The following ROBO1 variants were observed in gnomAD, a reference collection of about 807,000 sequenced individuals.
ROBO1 encodes roundabout homolog 1.
ROBO1 carries 149 observed loss-of-function variants against 195.9 expected under a neutral mutation model. That is an observed-to-expected ratio of 0.76 (90% CI 0.67 to 0.87). The LOEUF is 0.87. Among genes scored for constraint, ROBO1 ranks in the 40% least tolerant of loss-of-function variants. The pLI is 0.00. For missense variants in ROBO1, 1,933 were observed against 2,068.3 expected, an observed-to-expected ratio of 0.93 and a Z score of 1.27; for synonymous variants, 816 against 733.2, an observed-to-expected ratio of 1.11 and a Z score of -1.82.
At chr3:79,361,871 T>A (rs2035782018) in intron 2 of ROBO1, among the ~76,000 whole-genome samples, 1 of 152,126 alleles carries the variant, frequency 6.6e-6, no homozygotes, top group Non-Finnish European at 1.5e-5. Context: ...TAGAAAATTT[T>A]AATATTTAAA....
At chr3:78,799,274 A>C (rs1422163041) in intron 4 of ROBO1, among the ~76,000 whole-genome samples, 1 of 151,800 alleles carries the variant, frequency 6.6e-6, no homozygotes, top group Admixed American at 6.6e-5. Context: ...GCCTGCTTTT[A>C]TATTCAAGCT....
intron 2 of ROBO1, among the ~76,000 whole-genome samples, chr3:79,167,837 G>A (rs1208140212): frequency 6.6e-6 from 1 of 152,098 alleles, no homozygotes; most frequent in African/African-American, 2.4e-5. Flanking sequence ...TTATTTGAAT[G>A]CATTGTACTT....
chr3:79,125,440 G>C lies in ROBO1; in HGVS notation c.172+16C>G. On this transcript the variant is annotated intron_variant, in intron 3 of 30. Coordinates refer to ENST00000464233, the MANE Select transcript of ROBO1 (RefSeq NM_002941.4). ...ATTTCAGGAGGAAGTTAGTATTTGG[G>C]AAAGAGACACTCTACCTGTATAGCC... is the stretch of plus-strand genomic sequence containing the variant. The C allele has an allele frequency of 2.1e-5, 34 of 1,609,088 alleles. No homozygotes were observed. Among genetic ancestry groups the C allele is most frequent in the Non-Finnish European group, 2.9e-5 (34 of 1,176,186 alleles).
intron 14 of ROBO1, 130 bp from the exon 15 acceptor site, chr3:78,662,244 GAAA>G (rs11359455): frequency 6.2e-3 from 2,596 of 420,078 alleles, no homozygotes; most frequent in South Asian, 0.011. Context: ...CTGTGATTCG[GAAA>G]AAAAAAAAAA....
chr3:79,116,401 GCTTC>G (rs560526070), intron 3 of ROBO1, among the ~76,000 whole-genome samples: 18 of 112,678 alleles, frequency 1.6e-4, no homozygotes, highest in Non-Finnish European at 2.9e-4. Flanking sequence ...TTCCTTCCTT[GCTTC>G]CTTCCTTCCT....
chr3:78,978,122 G>C (rs1251914761), intron 3 of ROBO1, among the ~76,000 whole-genome samples: 1 of 151,994 alleles, frequency 6.6e-6, no homozygotes, highest in South Asian at 2.1e-4. Context: ...AAAATTATCA[G>C]ATTGAATTGA....
At chr3:78,722,299 CTT>C in intron 5 of ROBO1, among the ~76,000 whole-genome samples, 1 of 152,244 alleles carries the variant, frequency 6.6e-6, no homozygotes, top group East Asian at 1.9e-4. Flanking sequence ...TTTACAAATA[CTT>C]TCTCTATCCT....
At chr3:79,220,304 T>C (rs1413974004) in intron 2 of ROBO1, among the ~76,000 whole-genome samples, 1 of 152,040 alleles carries the variant, frequency 6.6e-6, no homozygotes, top group Non-Finnish European at 1.5e-5. Flanking sequence ...CTCTGGAATT[T>C]GTCTACTGAA....
At chr3:78,690,422 A>C (rs560061833) in intron 8 of ROBO1, among the ~76,000 whole-genome samples, 39 of 152,204 alleles carry the variant, frequency 2.6e-4, no homozygotes, top group African/African-American at 9.1e-4. Flanking sequence ...ATATAGTTTA[A>C]GTTCAATTTG....
chr3:78,609,718 GACC>G (rs1703679603), intron 28 of ROBO1, among the ~76,000 whole-genome samples: 1 of 152,058 alleles, frequency 6.6e-6, no homozygotes, highest in African/African-American at 2.4e-5. Flanking sequence ...CTGGGCCATT[GACC>G]ATCATTTTCA....
chr3:78,755,436 TGCATTCCA>T (rs1443496031), intron 4 of ROBO1, among the ~76,000 whole-genome samples: 5 of 152,146 alleles, frequency 3.3e-5, no homozygotes, highest in Non-Finnish European at 7.4e-5. Context: ...ATTGCACTAC[TGCATTCCA>T]GCCTGAGCAA....
intron 3 of ROBO1, among the ~76,000 whole-genome samples, chr3:78,963,511 T>C (rs1375587955): frequency 2.3e-4 from 31 of 136,562 alleles, no homozygotes; most frequent in African/African-American, 8.4e-4. Context: ...TTTTTTTTTT[T>C]TTTTTTTTTC....
chr3:78,600,795 T>C (rs1434558899), intron 29 of ROBO1, among the ~76,000 whole-genome samples: 3 of 151,662 alleles, frequency 2.0e-5, no homozygotes, highest in Non-Finnish European at 4.4e-5. Context: ...TAATAAAATA[T>C]CTACATAACT....
At chr3:79,197,710 G>A (rs529358383) in intron 2 of ROBO1, among the ~76,000 whole-genome samples, 7 of 152,082 alleles carry the variant, frequency 4.6e-5, no homozygotes, top group African/African-American at 1.7e-4. Context: ...GTTGTTTCCT[G>A]ACTTTTTAGT....
At chr3:79,758,602 T>C (rs940848114) in intron 1 of ROBO1, among the ~76,000 whole-genome samples, 5 of 152,222 alleles carry the variant, frequency 3.3e-5, no homozygotes, top group South Asian at 2.1e-4. Context: ...AATAAAGTTA[T>C]ATCTTGAAGG....
chr3:79,740,321 G>T (rs1324791334), intron 1 of ROBO1, among the ~76,000 whole-genome samples: 1 of 150,016 alleles, frequency 6.7e-6, no homozygotes, highest in Non-Finnish European at 1.5e-5. Flanking sequence ...ATTAATAAGT[G>T]ATGTTGCTTA....
At chr3:79,013,304 G>A (rs569736849) in intron 3 of ROBO1, among the ~76,000 whole-genome samples, 5 of 152,278 alleles carry the variant, frequency 3.3e-5, no homozygotes, top group African/African-American at 1.2e-4. Flanking sequence ...CGAAAGCCAC[G>A]TGCATCTGCA....
intron 4 of ROBO1, 48 bp downstream of exon 4, chr3:78,938,553 C>T: frequency 6.7e-7 from 1 of 1,501,428 alleles, no homozygotes; most frequent in South Asian, 1.3e-5. Flanking sequence ...ACAAATGACG[C>T]CACTCTGCCA....
At chr3:79,156,635 A>T (rs952125129) in intron 2 of ROBO1, among the ~76,000 whole-genome samples, 2 of 151,870 alleles carry the variant, frequency 1.3e-5, no homozygotes, top group Non-Finnish European at 2.9e-5. Context: ...TTTGAGCAAT[A>T]CTTTAAGGGG....
Sources: allele counts gnomAD v4.1 joint callset (sites outside exome capture counted in the v4.1 genomes callset), GRCh38; gene constraint gnomAD v4.1.1; transcripts MANE v1.5; gene names NCBI Gene and HGNC (gene_info 2026-07-23, HGNC 2026-07-21).